Variants in CSNK2A2IP observed in about 807,000 individuals in gnomAD.
CSNK2A2IP encodes casein kinase 2 subunit alpha' interacting protein.
At chr3:88,457,112 C>T in the CSNK2A2IP span, among the ~76,000 whole-genome samples, 44,764 of 151,918 alleles carry the variant, frequency 0.29, 7,338 homozygotes, top group East Asian at 0.48. Flanking sequence ...TTTTACTGAG[C>T]GAGGATTCAA....
the CSNK2A2IP span, among the ~76,000 whole-genome samples, chr3:88,453,214 A>G: frequency 1.3e-5 from 2 of 152,122 alleles, no homozygotes; most frequent in East Asian, 1.9e-4. Flanking sequence ...CTCTGAACTT[A>G]GTGCACTAAG....
chr3:88,457,645 G>A, the CSNK2A2IP span, among the ~76,000 whole-genome samples: 1 of 151,264 alleles, frequency 6.6e-6, no homozygotes, highest in African/African-American at 2.4e-5. Flanking sequence ...GCAGTGAGCC[G>A]AGATCGTGCT....
the CSNK2A2IP span, among the ~76,000 whole-genome samples, chr3:88,444,059 G>T: frequency 6.6e-6 from 1 of 151,768 alleles, no homozygotes; most frequent in East Asian, 1.9e-4. Flanking sequence ...AGAAAATATT[G>T]CATGGCTGTC....
At chr3:88,452,185 T>TG in the CSNK2A2IP span, among the ~76,000 whole-genome samples, 1 of 151,914 alleles carries the variant, frequency 6.6e-6, no homozygotes, top group East Asian at 1.9e-4. Context: ...TAGATTTTTT[T>TG]TTTTTTTACT....
At chr3:88,458,999 G>A in the CSNK2A2IP span, among the ~76,000 whole-genome samples, 5 of 151,976 alleles carry the variant, frequency 3.3e-5, no homozygotes, top group African/African-American at 4.8e-5. Context: ...TTAGTTGATG[G>A]CATTTTTGAA....
the CSNK2A2IP span, among the ~76,000 whole-genome samples, chr3:88,345,792 A>G: frequency 5.3e-5 from 8 of 152,034 alleles, no homozygotes; most frequent in African/African-American, 1.7e-4. Flanking sequence ...TAATAACCCT[A>G]CAATGACCTC....
the CSNK2A2IP span, among the ~76,000 whole-genome samples, chr3:88,361,049 T>C: frequency 6.6e-6 from 1 of 152,210 alleles, no homozygotes; most frequent in Non-Finnish European, 1.5e-5. Flanking sequence ...TTTATCTTTT[T>C]ATGTTTTCTA....
At chr3:88,450,239 T>C in the CSNK2A2IP span, among the ~76,000 whole-genome samples, 1 of 152,060 alleles carries the variant, frequency 6.6e-6, no homozygotes, top group Non-Finnish European at 1.5e-5. Flanking sequence ...AGGAAACATA[T>C]AGATAATAAG....
At chr3:88,370,967 G>T in the CSNK2A2IP span, among the ~76,000 whole-genome samples, 1 of 151,672 alleles carries the variant, frequency 6.6e-6, no homozygotes, top group African/African-American at 2.4e-5. Flanking sequence ...GTAGCCCTCT[G>T]AAAGCCAGGA....
At chr3:88,384,812 G>C in the CSNK2A2IP span, among the ~76,000 whole-genome samples, 214 of 152,220 alleles carry the variant, frequency 1.4e-3, 1 homozygote, top group Middle Eastern at 6.8e-3. Flanking sequence ...GGGCAGATTG[G>C]TATATATTTG....
chr3:88,424,342 TGA>T, the CSNK2A2IP span, among the ~76,000 whole-genome samples: 1 of 152,164 alleles, frequency 6.6e-6, no homozygotes, highest in African/African-American at 2.4e-5. Flanking sequence ...TCGATGAGCT[TGA>T]GTTAAGATCT....
the CSNK2A2IP span, among the ~76,000 whole-genome samples, chr3:88,367,104 G>A: frequency 6.6e-6 from 1 of 152,070 alleles, no homozygotes; most frequent in African/African-American, 2.4e-5. Context: ...TGGGGACACA[G>A]CCAAACCATA....
the CSNK2A2IP span, among the ~76,000 whole-genome samples, chr3:88,349,131 T>A: frequency 7.2e-5 from 11 of 152,168 alleles, no homozygotes; most frequent in South Asian, 2.1e-3. Flanking sequence ...AATAATTTTA[T>A]TTTTTGCCTT....
chr3:88,363,076 T>G, the CSNK2A2IP span, among the ~76,000 whole-genome samples: 1 of 152,094 alleles, frequency 6.6e-6, no homozygotes, highest in East Asian at 1.9e-4. Flanking sequence ...CCCACAACAC[T>G]TTTACTCTCC....
At chr3:88,399,053 C>T in the CSNK2A2IP span, among the ~76,000 whole-genome samples, 1 of 151,742 alleles carries the variant, frequency 6.6e-6, no homozygotes, top group South Asian at 2.1e-4. Context: ...TAAAGACAAA[C>T]AAAAAGATAT....
chr3:88,376,441 C>T, the CSNK2A2IP span, among the ~76,000 whole-genome samples: 84 of 151,688 alleles, frequency 5.5e-4, no homozygotes, highest in Admixed American at 3.8e-3. Context: ...CTTTAACTTG[C>T]TACAGATCTT....
At chr3:88,369,295 T>A in the CSNK2A2IP span, among the ~76,000 whole-genome samples, 1 of 151,980 alleles carries the variant, frequency 6.6e-6, no homozygotes, top group Non-Finnish European at 1.5e-5. Context: ...GAAGGAAAAA[T>A]AAATTTTTGG....
the CSNK2A2IP span, among the ~76,000 whole-genome samples, chr3:88,449,854 CATATAT>C: frequency 2.4e-4 from 20 of 84,440 alleles, no homozygotes; most frequent in African/African-American, 8.0e-4. Context: ...CACACACACA[CATATAT>C]ATATATATAT....
the CSNK2A2IP span, among the ~76,000 whole-genome samples, chr3:88,415,777 C>A: frequency 6.6e-6 from 1 of 151,874 alleles, no homozygotes; most frequent in South Asian, 2.1e-4. Flanking sequence ...CTTTACAAGC[C>A]CTAAAGCCAG....
Sources: gnomAD v4.1 joint callset for allele counts (sites outside exome capture counted in the v4.1 genomes callset) on GRCh38, gnomAD v4.1.1 for gene constraint, MANE v1.5 for transcripts, NCBI Gene and HGNC (gene_info 2026-07-23, HGNC 2026-07-21) for gene names.